The following FGF14 variants were observed in gnomAD, a reference collection of about 807,000 sequenced individuals.
The protein encoded by FGF14 is fibroblast growth factor homologous factor 4.
FGF14 carries 5 observed loss-of-function variants against 25.5 expected under a neutral mutation model. The ratio of observed to expected loss-of-function variants is 0.20; its 90% CI spans 0.10 to 0.41. The LOEUF is 0.41. Ranked by LOEUF, FGF14 falls within the 10% of genes least tolerant of loss-of-function variation. The pLI is 1.00. For synonymous variants in FGF14, 138 were observed against 118.3 expected (o/e 1.17, Z -1.08); for missense variants, 222 against 320.1 (o/e 0.69, Z 2.34).
At chr13:102,376,769 T>C (rs1323972769) in intron 1 of FGF14, among the ~76,000 whole-genome samples, 1 of 152,234 alleles carries the variant, frequency 6.6e-6, no homozygotes, top group Non-Finnish European at 1.5e-5. Context: ...ATTTAATTAG[T>C]TGATTGACAT....
At chr13:102,169,780 G>A (rs1157462781) in intron 1 of FGF14, among the ~76,000 whole-genome samples, 1 of 151,908 alleles carries the variant, frequency 6.6e-6, no homozygotes, top group Non-Finnish European at 1.5e-5. Context: ...TCTCCACGTG[G>A]AAGTTGCTGA....
chr13:102,168,304 C>T (rs992927935), intron 1 of FGF14, among the ~76,000 whole-genome samples: 46 of 152,106 alleles, frequency 3.0e-4, no homozygotes, highest in African/African-American at 1.1e-3. Context: ...TGCACTCCCA[C>T]ATGGCTGGGA....
At chr13:101,736,756 C>T (rs1036549639) in intron 3 of FGF14, among the ~76,000 whole-genome samples, 3 of 151,994 alleles carry the variant, frequency 2.0e-5, no homozygotes, top group Non-Finnish European at 4.4e-5. Flanking sequence ...TTCCTTTTAA[C>T]AGAATACAGT....
At position 101,714,254 on chromosome 13, in the gene FGF14, C is replaced by T. The variant is rs1378958274; in HGVS notation, c.*8577G>A. ...TGTCTAGATCCATAATGAAGGCTTT[C>T]CTGGGTGACCTTTATGAATTACAGT... On this transcript the variant is annotated 3_prime_UTR_variant, in exon 5 of 5. Transcript: ENST00000376143. 2 of 592,674 alleles carry T rather than the reference C, an allele frequency of 3.4e-6. No homozygotes were observed. The highest frequency in any genetic ancestry group is 3.0e-5 in the Admixed American group (1 of 33,696). 36.7% of individuals were successfully genotyped at this position (592,674 alleles called of 1,614,324 possible).
intron 3 of FGF14, among the ~76,000 whole-genome samples, chr13:101,835,760 C>T (rs1327630369): frequency 1.3e-5 from 2 of 152,018 alleles, no homozygotes; most frequent in Non-Finnish European, 2.9e-5. Flanking sequence ...CGGCTACCCA[C>T]TCCTGCCATC....
intron 1 of FGF14, among the ~76,000 whole-genome samples, chr13:102,043,420 T>C (rs917735850): frequency 1.6e-4 from 25 of 152,156 alleles, no homozygotes; most frequent in Admixed American, 1.6e-3. Flanking sequence ...CATCCAACGC[T>C]TACTCTAGGC....
intron 3 of FGF14, among the ~76,000 whole-genome samples, chr13:101,805,793 A>T (rs2041161640): frequency 6.6e-6 from 1 of 152,130 alleles, no homozygotes. Flanking sequence ...ACTATGTATG[A>T]TGCCAACTTC....
At chr13:102,227,777 G>A (rs778792430) in intron 1 of FGF14, among the ~76,000 whole-genome samples, 6 of 152,082 alleles carry the variant, frequency 3.9e-5, no homozygotes, top group Non-Finnish European at 7.4e-5. Flanking sequence ...CTCAGTAAAG[G>A]GGATGAGGAA....
chr13:102,304,091 AATC>A (rs148147112), intron 1 of FGF14, among the ~76,000 whole-genome samples: 115 of 151,650 alleles, frequency 7.6e-4, no homozygotes, highest in South Asian at 1.5e-3. Context: ...ACTGAACCCA[AATC>A]ATCATCATCA....
At chr13:101,813,706 C>A (rs1470523184) in intron 3 of FGF14, among the ~76,000 whole-genome samples, 1 of 152,136 alleles carries the variant, frequency 6.6e-6, no homozygotes, top group Non-Finnish European at 1.5e-5. Context: ...TGGCCCAGTA[C>A]AAAGTGTTCC....
At chr13:101,822,822 T>A (rs1322945547) in intron 3 of FGF14, among the ~76,000 whole-genome samples, 1 of 152,204 alleles carries the variant, frequency 6.6e-6, no homozygotes, top group Non-Finnish European at 1.5e-5. Flanking sequence ...AAACTAGGTC[T>A]AAATCCCACT....
intron 1 of FGF14, among the ~76,000 whole-genome samples, chr13:102,134,055 C>T (rs2046310570): frequency 6.6e-6 from 1 of 152,172 alleles, no homozygotes; most frequent in African/African-American, 2.4e-5. Context: ...CATTAAAACA[C>T]ATATGTTATA....
chr13:101,910,159 G>A (rs906442564), intron 1 of FGF14, among the ~76,000 whole-genome samples: 17 of 151,870 alleles, frequency 1.1e-4, no homozygotes, highest in African/African-American at 3.1e-4. Context: ...CGAGTTACTG[G>A]GTGCAGCACA....
chr13:101,853,463 T>G (rs1201105245), intron 3 of FGF14, among the ~76,000 whole-genome samples: 2 of 152,068 alleles, frequency 1.3e-5, no homozygotes, highest in Non-Finnish European at 2.9e-5. Flanking sequence ...TTTCAATTTT[T>G]TTAGTTAGAG....
chr13:101,739,584 G>A (rs72660312), intron 3 of FGF14, among the ~76,000 whole-genome samples: 1,692 of 152,220 alleles, frequency 0.011, 14 homozygotes, highest in Middle Eastern at 0.017. Context: ...CCTGGAAAGG[G>A]TGATATAATA....
chr13:102,105,121 A>G (rs1336649982), intron 1 of FGF14, among the ~76,000 whole-genome samples: 1 of 152,198 alleles, frequency 6.6e-6, no homozygotes, highest in Non-Finnish European at 1.5e-5. Flanking sequence ...GACATTTACT[A>G]AAAAACAGAA....
At chr13:102,240,183 C>T (rs1478370454) in intron 1 of FGF14, among the ~76,000 whole-genome samples, 2 of 152,110 alleles carry the variant, frequency 1.3e-5, no homozygotes, top group Non-Finnish European at 2.9e-5. Flanking sequence ...TTACAGATAA[C>T]ATATATAACT....
intron 1 of FGF14, among the ~76,000 whole-genome samples, chr13:102,337,537 A>G (rs770566650): frequency 1.9e-4 from 29 of 152,226 alleles, no homozygotes; most frequent in Non-Finnish European, 4.3e-4. Context: ...AATGTAGCAT[A>G]TCCCATAAAC....
intron 1 of FGF14, among the ~76,000 whole-genome samples, chr13:101,900,348 C>T (rs974585929): frequency 4.0e-5 from 6 of 151,578 alleles, no homozygotes; most frequent in African/African-American, 1.5e-4. Context: ...AATTTTAATA[C>T]AAAAAAATTA....
Sources: allele counts gnomAD v4.1 joint callset (sites outside exome capture counted in the v4.1 genomes callset), GRCh38; gene constraint gnomAD v4.1.1; transcripts MANE v1.5; gene names NCBI Gene and HGNC (gene_info 2026-07-23, HGNC 2026-07-21).